KCNK9: variants seen among roughly 807,000 people sequenced by gnomAD.
The protein encoded by KCNK9 is potassium channel subfamily K member 9.
In KCNK9, 1 loss-of-function variant was observed where a neutral mutation model predicts 10.8. That is an observed-to-expected ratio of 0.09 (90% CI 0.03 to 0.44). The LOEUF (loss-of-function observed/expected upper bound fraction) is 0.44. Among genes scored for constraint, KCNK9 ranks in the 20% least tolerant of loss-of-function variants. The probability of loss-of-function intolerance (pLI) is 0.97; values close to 1 mark genes in which losing one functional copy is unlikely to be tolerated. For missense variants in KCNK9, 303 were observed against 515.0 expected (o/e 0.59, Z 3.98); for synonymous variants, 231 against 222.7 (o/e 1.04, Z -0.33).
In KCNK9 at chr8:139,664,748, G is replaced by A. The variant is rs557856162; in HGVS notation, c.283+37962C>T. On this transcript the variant is annotated intron_variant, in intron 1 of 1. Transcript: ENST00000520439. ...CCAGCCTGGTGTCATGGCCCTCCAGGGTCTTGCCCAGTTCTCCTTGGCCAG... is the reference window on the plus strand; with the variant it reads ...CCAGCCTGGTGTCATGGCCCTCCAGAGTCTTGCCCAGTTCTCCTTGGCCAG... 6.6e-5 allele frequency among the ~76,000 whole-genome samples: 10 copies of A among 152,268 alleles called. No individual in the cohort carries two copies. In the East Asian group the frequency reaches 1.7e-3, roughly 26 times the overall value.
intron 1 of KCNK9, among the ~76,000 whole-genome samples, chr8:139,622,301 G>C (rs150114183): frequency 6.6e-6 from 1 of 152,108 alleles, no homozygotes; most frequent in African/African-American, 2.4e-5. Flanking sequence ...GACAAGTTTC[G>C]GGACTCCCAA....
At chr8:139,671,997 C>T (rs902783063) in intron 1 of KCNK9, among the ~76,000 whole-genome samples, 20 of 152,196 alleles carry the variant, frequency 1.3e-4, no homozygotes, top group African/African-American at 3.9e-4. Context: ...TCGCAGTTCC[C>T]GCCCTGATGA....
chr8:139,672,928 G>A lies in KCNK9; in HGVS notation c.283+29782C>T, dbSNP rs550820830. On this transcript the variant is annotated intron_variant, in intron 1 of 1. Coordinates refer to ENST00000520439, the MANE Select transcript of KCNK9 (RefSeq NM_001282534.2). ...CAGTGCAGAAGGCACTGCGCCAGGC[G>A]GGAGAGGGCAGGCTCATGTTGGGGA... Among the ~76,000 whole-genome samples, 37 of 152,354 alleles carry A rather than the reference G, an allele frequency of 2.4e-4. 1 individual carries two copies. The highest frequency in any genetic ancestry group is 8.2e-4 in the African/African-American group (34 of 41,582).
At chr8:139,650,031 T>G (rs116078896) in intron 1 of KCNK9, among the ~76,000 whole-genome samples, 2,543 of 152,226 alleles carry the variant, frequency 0.017, 73 homozygotes, top group African/African-American at 0.058. Context: ...GAAAGAGAAG[T>G]GGCAGGTGCA....
chr8:139,677,572 GA>G (rs958847103), intron 1 of KCNK9, among the ~76,000 whole-genome samples: 2 of 103,392 alleles, frequency 1.9e-5, no homozygotes, highest in Non-Finnish European at 4.3e-5. Context: ...TTACAAGGAG[GA>G]AAAAAAATAA....
intron 1 of KCNK9, among the ~76,000 whole-genome samples, chr8:139,632,973 C>G (rs541214363): frequency 6.6e-6 from 1 of 152,056 alleles, no homozygotes; most frequent in African/African-American, 2.4e-5. Flanking sequence ...CAACAACATG[C>G]GAGAAGAACC....
chr8:139,635,779 C>T (rs2615378), intron 1 of KCNK9, among the ~76,000 whole-genome samples: 59,274 of 152,002 alleles, frequency 0.39, 11,982 homozygotes, highest in Middle Eastern at 0.48. Context: ...CAGGAGGCAG[C>T]CTGGAAGCAT....
intron 1 of KCNK9, among the ~76,000 whole-genome samples, chr8:139,699,215 A>G (rs1186744059): frequency 6.6e-6 from 1 of 152,196 alleles, no homozygotes; most frequent in Non-Finnish European, 1.5e-5. Context: ...GATTGGAGAA[A>G]GAAGTGTCAT....
At chr8:139,611,877 G>T (rs1437956407), downstream of KCNK9, 1 of 152,198 alleles carries the variant, frequency 6.6e-6, no homozygotes, top group African/African-American at 2.4e-5. Flanking sequence ...CTCAATCACG[G>T]TGATAAGTGG....
intron 1 of KCNK9, 102 bp from the exon 2 acceptor site, chr8:139,619,201 G>C: frequency 7.6e-7 from 1 of 1,323,914 alleles, no homozygotes; most frequent in East Asian, 2.4e-5. Flanking sequence ...CAATGCAGAG[G>C]GACCTGGTAC....
intron 1 of KCNK9, among the ~76,000 whole-genome samples, chr8:139,677,259 G>A (rs1371858203): frequency 6.6e-6 from 1 of 152,158 alleles, no homozygotes; most frequent in Non-Finnish European, 1.5e-5. Context: ...CCTATCACCT[G>A]TGGGGGTGTG....
chr8:139,638,456 TTGTC>T (rs1482512429), intron 1 of KCNK9, among the ~76,000 whole-genome samples: 1 of 152,324 alleles, frequency 6.6e-6, no homozygotes, highest in South Asian at 2.1e-4. Context: ...TCCAGAATAT[TTGTC>T]TGGCCATGAT....
intron 1 of KCNK9, among the ~76,000 whole-genome samples, chr8:139,620,237 T>C (rs1226741964): frequency 2.6e-5 from 4 of 151,966 alleles, no homozygotes; most frequent in Non-Finnish European, 4.4e-5. Context: ...CAGTGTTTTT[T>C]TGGACAGAAA....
intron 1 of KCNK9, among the ~76,000 whole-genome samples, chr8:139,632,239 T>A (rs539780303): frequency 2.2e-4 from 34 of 152,240 alleles, no homozygotes; most frequent in Admixed American, 2.2e-3. Context: ...CCCCACATCA[T>A]GCAAAAAAAG....
downstream of KCNK9, chr8:139,612,304 A>C (rs528709621): frequency 6.6e-6 from 1 of 152,338 alleles, no homozygotes; most frequent in African/African-American, 2.4e-5. Flanking sequence ...TGTCAGAGCA[A>C]AGATCTCAAG....
intron 1 of KCNK9, among the ~76,000 whole-genome samples, chr8:139,637,600 T>C (rs1251278385): frequency 6.6e-6 from 1 of 152,110 alleles, no homozygotes; most frequent in African/African-American, 2.4e-5. Context: ...TAGTGGTTAA[T>C]AAAGGGCAGG....
chr8:139,661,139 G>A (rs1311850810), intron 1 of KCNK9, among the ~76,000 whole-genome samples: 12 of 152,194 alleles, frequency 7.9e-5, no homozygotes, highest in South Asian at 4.1e-4. Context: ...AGTGGGGTCC[G>A]ATCACGCAGA....
chr8:139,622,121 C>A (rs188498985), intron 1 of KCNK9, among the ~76,000 whole-genome samples: 3 of 152,322 alleles, frequency 2.0e-5, no homozygotes. Context: ...ATCATTGACA[C>A]ACCATAGTGT....
At chr8:139,613,127 T>A (rs1814482989), downstream of KCNK9, among the ~76,000 whole-genome samples, 1 of 152,218 alleles carries the variant, frequency 6.6e-6, no homozygotes, top group Non-Finnish European at 1.5e-5. Context: ...GTGCTCTTGT[T>A]CATGGCGGAC....
Sources: allele counts gnomAD v4.1 joint callset (sites outside exome capture counted in the v4.1 genomes callset), GRCh38; gene constraint gnomAD v4.1.1; transcripts MANE v1.5; gene names NCBI Gene and HGNC (gene_info 2026-07-23, HGNC 2026-07-21).